The following PIP5K1B variants were observed in gnomAD, a reference collection of about 807,000 sequenced individuals.
PIP5K1B encodes phosphatidylinositol 4-phosphate 5-kinase type-1 beta.
In PIP5K1B, 42 loss-of-function variants were observed where a neutral mutation model predicts 67.0. The ratio of observed to expected loss-of-function variants is 0.63; its 90% CI spans 0.49 to 0.81. The LOEUF is 0.81. Ranked by LOEUF, PIP5K1B falls within the 30% of genes least tolerant of loss-of-function variation. The probability of loss-of-function intolerance (pLI) is 0.00; values close to 1 mark genes in which losing one functional copy is unlikely to be tolerated. For synonymous variants in PIP5K1B, 214 were observed against 231.4 expected (o/e 0.92, Z 0.68); for missense variants, 459 against 646.3 (o/e 0.71, Z 3.14).
chr9:68,858,034 C>T (rs1248109793), intron 4 of PIP5K1B, among the ~76,000 whole-genome samples: 1 of 151,826 alleles, frequency 6.6e-6, no homozygotes, highest in South Asian at 2.1e-4. Context: ...AGTGCAGTGG[C>T]GCCATCTTGG....
intron 14 of PIP5K1B, among the ~76,000 whole-genome samples, chr9:68,971,419 A>T (rs767212423): frequency 1.3e-5 from 2 of 152,152 alleles, no homozygotes; most frequent in Non-Finnish European, 2.9e-5. Context: ...GTTGGTTCCA[A>T]TTATTTGCTA....
intron 14 of PIP5K1B, among the ~76,000 whole-genome samples, chr9:68,943,130 A>G (rs1277131169): frequency 6.6e-6 from 1 of 152,180 alleles, no homozygotes; most frequent in Non-Finnish European, 1.5e-5. Context: ...TAAAATACCC[A>G]GATTCTTTTG....
At chr9:68,875,604 T>A (rs1823853656) in intron 5 of PIP5K1B, among the ~76,000 whole-genome samples, 1 of 152,180 alleles carries the variant, frequency 6.6e-6, no homozygotes, top group South Asian at 2.1e-4. Context: ...CTATAGTAGA[T>A]CCAAAGTGTT....
At chr9:68,915,697 T>G (rs537992336) in intron 8 of PIP5K1B, among the ~76,000 whole-genome samples, 2 of 152,338 alleles carry the variant, frequency 1.3e-5, no homozygotes, top group South Asian at 4.1e-4. Context: ...CTTAGATCAC[T>G]TGGGTTAGGA....
chr9:68,996,279 A>G (rs1240359540), intron 15 of PIP5K1B, among the ~76,000 whole-genome samples: 1 of 152,188 alleles, frequency 6.6e-6, no homozygotes, highest in East Asian at 1.9e-4. Flanking sequence ...TGAGTTGAAA[A>G]GGCAGCTAAT....
intron 15 of PIP5K1B, among the ~76,000 whole-genome samples, chr9:68,993,064 G>C (rs553734847): frequency 6.6e-6 from 1 of 150,934 alleles, no homozygotes; most frequent in Admixed American, 6.6e-5. Flanking sequence ...CGGAAGGCTG[G>C]GGCAGGAGAA....
chr9:68,940,960 T>C, intron 14 of PIP5K1B, 170 bp downstream of exon 14: 1 of 714,318 alleles, frequency 1.4e-6, no homozygotes, highest in Non-Finnish European at 2.5e-6. Context: ...AAAAGAACAT[T>C]GGAGGGAAAA....
chr9:68,896,737 C>T (rs1036525575), intron 8 of PIP5K1B, among the ~76,000 whole-genome samples: 1 of 152,214 alleles, frequency 6.6e-6, no homozygotes, highest in African/African-American at 2.4e-5. Context: ...ACCAAGTCCT[C>T]TGGGATCTGG....
At chr9:68,896,062 C>A (rs1304963849) in intron 8 of PIP5K1B, among the ~76,000 whole-genome samples, 1 of 151,930 alleles carries the variant, frequency 6.6e-6, no homozygotes, top group African/African-American at 2.4e-5. Flanking sequence ...AGCAAACAGA[C>A]GAACAAAAAA....
chr9:68,817,930 C>G (rs977688434), intron 2 of PIP5K1B, among the ~76,000 whole-genome samples: 2 of 152,088 alleles, frequency 1.3e-5, no homozygotes, highest in African/African-American at 4.8e-5. Flanking sequence ...CTGTATAAAA[C>G]ATAATTATAG....
At chr9:68,869,217 G>A (rs74308346) in intron 5 of PIP5K1B, among the ~76,000 whole-genome samples, 6,612 of 152,220 alleles carry the variant, frequency 0.043, 292 homozygotes, top group East Asian at 0.24. Flanking sequence ...GTGAGCAGAG[G>A]GCAAGCAAGT....
chr9:68,914,267 G>A (rs1825985507), intron 8 of PIP5K1B, among the ~76,000 whole-genome samples: 1 of 152,156 alleles, frequency 6.6e-6, no homozygotes, highest in Admixed American at 6.5e-5. Flanking sequence ...ATGTTTTTAA[G>A]CTTGACCACT....
intron 5 of PIP5K1B, among the ~76,000 whole-genome samples, chr9:68,873,281 C>CTTTTTTT (rs772335388): frequency 5.4e-4 from 49 of 90,632 alleles, no homozygotes; most frequent in Non-Finnish European, 6.5e-4. Flanking sequence ...ACTTTCTGAT[C>CTTTTTTT]TTTTTTTTTT....
chr9:68,940,508 A>G (rs1827503457), intron 13 of PIP5K1B, 138 bp from the exon 14 acceptor site: 2 of 746,496 alleles, frequency 2.7e-6, no homozygotes, highest in Admixed American at 2.8e-5. Flanking sequence ...TTCAGAAAAA[A>G]AAAGTGCAGT....
chr9:68,800,634 G>A (rs1832549588), intron 2 of PIP5K1B, among the ~76,000 whole-genome samples: 1 of 152,168 alleles, frequency 6.6e-6, no homozygotes, highest in Non-Finnish European at 1.5e-5. Context: ...GGTAGATGGA[G>A]GCTGATTTCC....
At chr9:68,853,056 T>A (rs1371506399) in intron 4 of PIP5K1B, among the ~76,000 whole-genome samples, 1 of 152,180 alleles carries the variant, frequency 6.6e-6, no homozygotes, top group Non-Finnish European at 1.5e-5. Context: ...AGTGGAGGCT[T>A]CTATGCTGGG....
chr9:68,813,295 G>A (rs1833265181), intron 2 of PIP5K1B, among the ~76,000 whole-genome samples: 1 of 152,226 alleles, frequency 6.6e-6, no homozygotes, highest in Non-Finnish European at 1.5e-5. Context: ...CTAAATAAAT[G>A]ATCATAATGT....
intron 15 of PIP5K1B, among the ~76,000 whole-genome samples, chr9:68,995,398 G>A (rs1830560698): frequency 6.6e-6 from 1 of 152,152 alleles, no homozygotes; most frequent in African/African-American, 2.4e-5. Context: ...TGTAATTCCA[G>A]AATGTGTTTT....
intron 6 of PIP5K1B, among the ~76,000 whole-genome samples, chr9:68,888,135 C>T (rs150161690): frequency 1.2e-3 from 188 of 152,276 alleles, no homozygotes; most frequent in African/African-American, 4.4e-3. Context: ...CGTGCCACCA[C>T]GCCCGGCCAA....
Sources: gnomAD v4.1 joint callset for allele counts (sites outside exome capture counted in the v4.1 genomes callset) on GRCh38, gnomAD v4.1.1 for gene constraint, MANE v1.5 for transcripts, NCBI Gene and HGNC (gene_info 2026-07-23, HGNC 2026-07-21) for gene names.